KDM4C: variants seen among roughly 807,000 people sequenced by gnomAD.
KDM4C encodes lysine-specific demethylase 4C.
KDM4C carries 81 observed loss-of-function variants against 129.3 expected under a neutral mutation model. The ratio of observed to expected loss-of-function variants is 0.63; its 90% CI spans 0.52 to 0.75. The LOEUF is 0.75. Ranked by LOEUF, KDM4C falls within the 30% of genes least tolerant of loss-of-function variation. The probability of loss-of-function intolerance (pLI) is 0.00; values close to 1 mark genes in which losing one functional copy is unlikely to be tolerated. For missense variants in KDM4C, 1,457 were observed against 1,304.0 expected, an observed-to-expected ratio of 1.12 and a Z score of -1.81; for synonymous variants, 573 against 456.1, an observed-to-expected ratio of 1.26 and a Z score of -3.26.
intron 1 of KDM4C, among the ~76,000 whole-genome samples, chr9:6,762,967 T>TG (rs1819859650): frequency 1.3e-5 from 2 of 151,880 alleles, no homozygotes; most frequent in Non-Finnish European, 2.9e-5. Context: ...GCCAGGTCAT[T>TG]GTCTTTTTTA....
intron 5 of KDM4C, among the ~76,000 whole-genome samples, chr9:6,862,692 A>G (rs1047008121): frequency 2.6e-4 from 40 of 152,200 alleles, no homozygotes; most frequent in African/African-American, 9.4e-4. Context: ...CTGTAATCCC[A>G]GCTACTCAGG....
intron 4 of KDM4C, among the ~76,000 whole-genome samples, chr9:6,843,774 A>G (rs1468428256): frequency 2.0e-5 from 3 of 152,224 alleles, no homozygotes; most frequent in Non-Finnish European, 4.4e-5. Flanking sequence ...GGGTGAGTGC[A>G]GCAGTGACAC....
chr9:6,732,388 AAAAAAAAAAAAAAG>A (rs1817376591), intron 1 of KDM4C, among the ~76,000 whole-genome samples: 1 of 145,002 alleles, frequency 6.9e-6, no homozygotes, highest in African/African-American at 2.6e-5. Context: ...AAAAAAAAAA[AAAAAAAAAAAAAAG>A]AATGAGGCCG....
intron 17 of KDM4C, among the ~76,000 whole-genome samples, chr9:7,072,788 A>T (rs560118252): frequency 6.6e-6 from 1 of 152,348 alleles, no homozygotes; most frequent in South Asian, 2.1e-4. Context: ...AAAATTAAAT[A>T]TAAAACCCTA....
intron 4 of KDM4C, among the ~76,000 whole-genome samples, chr9:6,847,145 A>G (rs1233079880): frequency 6.6e-6 from 1 of 152,230 alleles, no homozygotes; most frequent in African/African-American, 2.4e-5. Context: ...TTTTAGAGAA[A>G]TAGTTTGTGT....
At chr9:6,736,765 T>C (rs1309238229) in intron 1 of KDM4C, among the ~76,000 whole-genome samples, 1 of 152,108 alleles carries the variant, frequency 6.6e-6, no homozygotes, top group South Asian at 2.1e-4. Context: ...CAGAAATCAG[T>C]ATCCACCAGG....
chr9:6,881,954 C>G lies in KDM4C; in HGVS notation c.679+1893C>G, dbSNP rs150813708. ...TGATTCATAAAATGAAAAGTAGGCT[C>G]AGATATTTTCCATTATCTTGTCTGC... On this transcript the variant is annotated intron_variant, in intron 6 of 21. Coordinates refer to ENST00000381309, the MANE Select transcript of KDM4C (RefSeq NM_015061.6). Among the ~76,000 whole-genome samples the G allele has an allele frequency of 2.5e-3, 379 of 152,304 alleles. 3 individuals carry two copies. The highest frequency in any genetic ancestry group is 8.9e-3 in the African/African-American group (371 of 41,576).
At chr9:7,144,714 C>G (rs758774832) in intron 19 of KDM4C, among the ~76,000 whole-genome samples, 60 of 152,226 alleles carry the variant, frequency 3.9e-4, no homozygotes, top group Non-Finnish European at 1.8e-4. Context: ...GTGAATGTGA[C>G]AGGAGTACAT....
intron 8 of KDM4C, among the ~76,000 whole-genome samples, chr9:6,896,227 T>C (rs2053712093): frequency 6.6e-6 from 1 of 152,188 alleles, no homozygotes; most frequent in Non-Finnish European, 1.5e-5. Context: ...ATGGTAACTA[T>C]AAAAAAGTCA....
chr9:6,805,980 C>T (rs568342940), intron 3 of KDM4C, among the ~76,000 whole-genome samples: 44 of 152,298 alleles, frequency 2.9e-4, no homozygotes, highest in African/African-American at 8.4e-4. Context: ...TTTATTATCT[C>T]GTTCCTAGCA....
Position 7,000,192 on chromosome 9 carries a change from G to C in KDM4C, c.1786+9668G>C, listed in dbSNP as rs573373094. Among the ~76,000 whole-genome samples the C allele has an allele frequency of 7.2e-5, 11 of 152,180 alleles. No homozygotes were observed. In the East Asian group the frequency reaches 2.1e-3, roughly 29 times the overall value. On this transcript the variant is annotated intron_variant, in intron 12 of 21. Coordinates refer to ENST00000381309, the MANE Select transcript of KDM4C (RefSeq NM_015061.6). ...CTTATTTCTGTCAGTAAATTCCACT[G>C]GAAGTCCCAGTGGCGTTGATTTTTA...
intron 12 of KDM4C, among the ~76,000 whole-genome samples, chr9:7,004,240 A>G (rs1291766546): frequency 1.3e-5 from 2 of 152,232 alleles, no homozygotes; most frequent in African/African-American, 4.8e-5. Flanking sequence ...AATTTGTTCA[A>G]AGATACTGTC....
At chr9:6,752,418 T>G (rs1415108287) in intron 1 of KDM4C, among the ~76,000 whole-genome samples, 2 of 150,930 alleles carry the variant, frequency 1.3e-5, no homozygotes, top group Non-Finnish European at 3.0e-5. Context: ...CAGGGATTTT[T>G]TTTTTTTTTC....
chr9:7,154,589 A>T (rs1842987492), intron 19 of KDM4C, among the ~76,000 whole-genome samples: 1 of 152,142 alleles, frequency 6.6e-6, no homozygotes, highest in South Asian at 2.1e-4. Flanking sequence ...CTGGCAGATG[A>T]ATTTTTCCTT....
intron 4 of KDM4C, among the ~76,000 whole-genome samples, chr9:6,848,404 C>T (rs768748626): frequency 1.4e-4 from 21 of 152,082 alleles, no homozygotes; most frequent in East Asian, 5.8e-4. Context: ...TGGTGGCTCA[C>T]GCTTGTAATC....
intron 17 of KDM4C, among the ~76,000 whole-genome samples, chr9:7,099,291 C>T (rs921088610): frequency 6.6e-6 from 1 of 152,204 alleles, no homozygotes; most frequent in Non-Finnish European, 1.5e-5. Context: ...CTTTGAACCT[C>T]CAGCTCCTTC....
At chr9:6,852,905 G>T (rs549147075) in intron 5 of KDM4C, among the ~76,000 whole-genome samples, 2 of 152,058 alleles carry the variant, frequency 1.3e-5, no homozygotes, top group East Asian at 1.9e-4. Context: ...CATTGTTTTG[G>T]CATCTTACAA....
At chr9:7,150,078 T>G (rs972712277) in intron 19 of KDM4C, among the ~76,000 whole-genome samples, 21 of 152,194 alleles carry the variant, frequency 1.4e-4, no homozygotes, top group African/African-American at 5.1e-4. Flanking sequence ...GTCTCCTGTT[T>G]GGCTACACCA....
intron 4 of KDM4C, among the ~76,000 whole-genome samples, chr9:6,828,674 C>T (rs1172504684): frequency 1.3e-5 from 2 of 148,882 alleles, no homozygotes; most frequent in Non-Finnish European, 2.9e-5. Context: ...AGTTCGAGAC[C>T]AACCTGGCCA....
Sources: allele counts gnomAD v4.1 joint callset (sites outside exome capture counted in the v4.1 genomes callset), GRCh38; gene constraint gnomAD v4.1.1; transcripts MANE v1.5; gene names NCBI Gene and HGNC (gene_info 2026-07-23, HGNC 2026-07-21).